Variants in RBFOX1 observed in about 807,000 individuals in gnomAD.
RBFOX1 encodes RNA binding protein fox-1 homolog 1.
Under a neutral mutation model 57.7 loss-of-function variants are expected in RBFOX1, and 8 were observed. That is an observed-to-expected ratio of 0.14 (90% confidence interval 0.08 to 0.25). The LOEUF is 0.25. Ranked by LOEUF, RBFOX1 falls within the 10% of genes least tolerant of loss-of-function variation. RBFOX1 has a pLI of 1.00. For missense variants in RBFOX1, 611 were observed against 548.5 expected (o/e 1.11, Z -1.14); for synonymous variants, 326 against 222.4 (o/e 1.47, Z -4.15).
At chr16:7,583,814 C>G (rs1027449428) in intron 6 of RBFOX1, among the ~76,000 whole-genome samples, 5 of 150,250 alleles carry the variant, frequency 3.3e-5, no homozygotes, top group Non-Finnish European at 7.4e-5. Flanking sequence ...GACCCAGTTT[C>G]TACAACAATA....
intron 1 of RBFOX1, among the ~76,000 whole-genome samples, chr16:5,255,201 C>T (rs530941153): frequency 2.3e-4 from 35 of 152,208 alleles, no homozygotes; most frequent in African/African-American, 8.4e-4. Context: ...GAGGCAAGCC[C>T]CCTTGCCCAC....
intron 1 of RBFOX1, among the ~76,000 whole-genome samples, chr16:6,288,532 C>G (rs933575917): frequency 1.3e-5 from 2 of 152,132 alleles, no homozygotes; most frequent in Admixed American, 1.3e-4. Context: ...CATACATGTC[C>G]TATGCTAGAT....
At chr16:7,192,221 ATTT>A (rs920831017) in intron 4 of RBFOX1, among the ~76,000 whole-genome samples, 10 of 152,216 alleles carry the variant, frequency 6.6e-5, no homozygotes, top group African/African-American at 2.4e-4. Flanking sequence ...TTTTACTGGC[ATTT>A]TATTGTTTTA....
intron 2 of RBFOX1, among the ~76,000 whole-genome samples, chr16:6,614,467 C>T (rs770651590): frequency 6.6e-6 from 1 of 152,118 alleles, no homozygotes; most frequent in Non-Finnish European, 1.5e-5. Context: ...TAATCTTTAC[C>T]GGGACAGGAC....
At chr16:7,676,862 T>C in intron 14 of RBFOX1, 24 bp downstream of exon 14, 1 of 1,588,530 alleles carries the variant, frequency 6.3e-7, no homozygotes, top group Admixed American at 1.7e-5. Context: ...TTCTTGTGCT[T>C]GACAACTACT....
chr16:5,525,809 G>C (rs2342433), intron 2 of RBFOX1, among the ~76,000 whole-genome samples: 119,306 of 152,074 alleles, frequency 0.78, 47,969 homozygotes, highest in East Asian at 0.99. Flanking sequence ...AGAGCCCACA[G>C]TCTTAACACA....
intron 5 of RBFOX1, among the ~76,000 whole-genome samples, chr16:7,557,463 T>C (rs545362795): frequency 9.9e-5 from 15 of 151,182 alleles, no homozygotes; most frequent in Non-Finnish European, 2.2e-4. Context: ...TTACTAAAAA[T>C]ATAAAAATTA....
chr16:5,867,199 T>A, intron 3 of RBFOX1: 1 of 697,328 alleles, frequency 1.4e-6, no homozygotes, highest in Non-Finnish European at 2.0e-6. Flanking sequence ...CTTTGTCCCC[T>A]CGGGTCATAA....
intron 3 of RBFOX1, among the ~76,000 whole-genome samples, chr16:7,025,868 A>T (rs539608825): frequency 1.3e-5 from 2 of 152,138 alleles, no homozygotes; most frequent in Non-Finnish European, 2.9e-5. Flanking sequence ...TCCAGCAACC[A>T]GGATGAGCTG....
intron 3 of RBFOX1, among the ~76,000 whole-genome samples, chr16:7,021,579 T>A (rs889040011): frequency 4.1e-5 from 6 of 145,924 alleles, no homozygotes; most frequent in Middle Eastern, 3.3e-3. Context: ...TTTTATAAAA[T>A]ATATAAAAGT....
chr16:6,724,531 C>G (rs1298811073), intron 3 of RBFOX1, among the ~76,000 whole-genome samples: 1 of 152,066 alleles, frequency 6.6e-6, no homozygotes, highest in African/African-American at 2.4e-5. Context: ...GACGAGGAAG[C>G]AGGCCCTCAC....
chr16:7,291,939 TATATA>T (rs1336991092), intron 4 of RBFOX1, among the ~76,000 whole-genome samples: 2 of 103,512 alleles, frequency 1.9e-5, no homozygotes. Context: ...TTTTATATAT[TATATA>T]TTATGTATAT....
chr16:6,047,505 G>A (rs1375073400), intron 1 of RBFOX1, among the ~76,000 whole-genome samples: 5 of 152,334 alleles, frequency 3.3e-5, no homozygotes, highest in African/African-American at 1.2e-4. Context: ...AGGATTTTGG[G>A]TGATGAGCAT....
intron 3 of RBFOX1, among the ~76,000 whole-genome samples, chr16:5,756,654 G>T (rs558648058): frequency 6.6e-6 from 1 of 152,052 alleles, no homozygotes; most frequent in Non-Finnish European, 1.5e-5. Flanking sequence ...TCCAGCCATC[G>T]AATGACTAAT....
chr16:6,209,322 C>A (rs906690037), intron 1 of RBFOX1, among the ~76,000 whole-genome samples: 1 of 152,154 alleles, frequency 6.6e-6, no homozygotes, highest in Non-Finnish European at 1.5e-5. Flanking sequence ...ATTATGTTCC[C>A]CTGGGTTGTG....
chr16:5,730,116 G>A (rs561277454), intron 3 of RBFOX1, among the ~76,000 whole-genome samples: 49 of 152,136 alleles, frequency 3.2e-4, no homozygotes, highest in Non-Finnish European at 5.0e-4. Flanking sequence ...AGTGTGTCTG[G>A]GGAATTTAGG....
chr16:5,824,195 G>A (rs1225794822), intron 3 of RBFOX1, among the ~76,000 whole-genome samples: 1 of 152,218 alleles, frequency 6.6e-6, no homozygotes, highest in Non-Finnish European at 1.5e-5. Flanking sequence ...TTTTCTCCGG[G>A]CCCAGGACAG....
intron 3 of RBFOX1, among the ~76,000 whole-genome samples, chr16:5,758,198 C>T (rs148603979): frequency 1.1e-4 from 16 of 152,306 alleles, no homozygotes; most frequent in African/African-American, 3.8e-4. Context: ...GGCTTTTTAA[C>T]AAATGATGCT....
chr16:6,829,849 G>A (rs1425206810), intron 3 of RBFOX1, among the ~76,000 whole-genome samples: 1 of 152,100 alleles, frequency 6.6e-6, no homozygotes, highest in African/African-American at 2.4e-5. Flanking sequence ...AGATCTGCCT[G>A]CCTTGGCCTC....
Sources: allele counts gnomAD v4.1 joint callset (sites outside exome capture counted in the v4.1 genomes callset), GRCh38; gene constraint gnomAD v4.1.1; transcripts MANE v1.5; gene names NCBI Gene and HGNC (gene_info 2026-07-23, HGNC 2026-07-21).